The following MYO5B variants were observed in gnomAD, a reference collection of about 807,000 sequenced individuals.
MYO5B encodes unconventional myosin-Vb.
MYO5B carries 143 observed loss-of-function variants against 229.3 expected under a neutral mutation model. The observed-to-expected ratio is 0.62, with a 90% CI of 0.54 to 0.72. The LOEUF is 0.72. Among genes scored for constraint, MYO5B ranks in the 30% least tolerant of loss-of-function variants. The probability of loss-of-function intolerance (pLI) is 0.00; values close to 1 mark genes in which losing one functional copy is unlikely to be tolerated. For synonymous variants in MYO5B, 918 were observed against 885.2 expected (o/e 1.04, Z -0.66); for missense variants, 2,321 against 2,331.0 (o/e 1.00, Z 0.09).
At chr18:50,184,842 C>T (rs993749258) in intron 1 of MYO5B, among the ~76,000 whole-genome samples, 1 of 150,170 alleles carries the variant, frequency 6.7e-6, no homozygotes, top group African/African-American at 2.5e-5. Flanking sequence ...AGTTCAAGAC[C>T]AGCATGAGCA....
intron 1 of MYO5B, among the ~76,000 whole-genome samples, chr18:50,182,845 TG>T (rs1194950675): frequency 6.6e-6 from 1 of 152,130 alleles, no homozygotes; most frequent in East Asian, 1.9e-4. Flanking sequence ...TGTGGGGGGT[TG>T]GGGGGTTGTA....
At chr18:49,867,310 G>A (rs762273544) in intron 27 of MYO5B, among the ~76,000 whole-genome samples, 2 of 152,190 alleles carry the variant, frequency 1.3e-5, no homozygotes, top group Non-Finnish European at 2.9e-5. Context: ...CTTGGGTGAC[G>A]TGTGTCATCT....
At chr18:50,143,365 A>G (rs2032446947) in intron 1 of MYO5B, among the ~76,000 whole-genome samples, 1 of 152,202 alleles carries the variant, frequency 6.6e-6, no homozygotes, top group Admixed American at 6.5e-5. Context: ...CAGAAAGTGG[A>G]GTCAGTAGGC....
chr18:49,974,664 C>T lies in MYO5B; in HGVS notation c.1057-49G>A, dbSNP rs1160820403. The T allele has an allele frequency of 2.6e-5, 41 of 1,587,182 alleles. No individual in the cohort carries two copies. In the Middle Eastern group the frequency reaches 5.2e-4, roughly 20 times the overall value. On this transcript the variant is annotated intron_variant, in intron 9 of 39. Transcript: ENST00000285039. The stretch of plus-strand genomic sequence containing the variant: ...TTCAGGAGGAGTGTGGGAGACAAGC[C>T]GCCCCCCACCAATGTCTTCCACCCT...
chr18:50,049,107 C>A (rs1385509635), intron 2 of MYO5B, among the ~76,000 whole-genome samples: 2 of 151,808 alleles, frequency 1.3e-5, no homozygotes, highest in East Asian at 3.9e-4. Flanking sequence ...AAATATCCTG[C>A]CATGGCCACC....
intron 14 of MYO5B, among the ~76,000 whole-genome samples, chr18:49,939,895 A>T (rs563331205): frequency 6.6e-6 from 1 of 152,372 alleles, no homozygotes; most frequent in African/African-American, 2.4e-5. Flanking sequence ...TCTAGCTGAC[A>T]TCATCTCCTG....
intron 2 of MYO5B, among the ~76,000 whole-genome samples, chr18:50,045,523 A>G (rs2030199737): frequency 6.6e-6 from 1 of 152,092 alleles, no homozygotes; most frequent in Admixed American, 6.6e-5. Flanking sequence ...CCTCCCAAGT[A>G]GCTCGGACTA....
At chr18:50,130,488 T>C (rs1196292868) in intron 1 of MYO5B, among the ~76,000 whole-genome samples, 1 of 152,132 alleles carries the variant, frequency 6.6e-6, no homozygotes, top group African/African-American at 2.4e-5. Context: ...TGCGGTTCAT[T>C]TCTGTGGCTC....
intron 2 of MYO5B, among the ~76,000 whole-genome samples, chr18:50,043,988 C>G (rs747140874): frequency 6.6e-6 from 1 of 152,020 alleles, no homozygotes; most frequent in Non-Finnish European, 1.5e-5. Context: ...CACTAAAGAA[C>G]TTACTCATCT....
At chr18:49,873,729 G>A (rs1185216294) in intron 26 of MYO5B, among the ~76,000 whole-genome samples, 1 of 152,204 alleles carries the variant, frequency 6.6e-6, no homozygotes, top group Non-Finnish European at 1.5e-5. Context: ...CTATTAAGAT[G>A]GGCTGGCAGT....
At chr18:49,929,626 A>G (rs199790139) in intron 16 of MYO5B, 28 bp from the exon 17 acceptor site, 3 of 1,210,444 alleles carry the variant, frequency 2.5e-6, no homozygotes, top group Non-Finnish European at 2.4e-6. Context: ...AAAAAAAAAA[A>G]GCAAGACAAG....
chr18:50,193,259 G>A (rs905837759), intron 1 of MYO5B, among the ~76,000 whole-genome samples: 1 of 152,196 alleles, frequency 6.6e-6, no homozygotes, highest in Non-Finnish European at 1.5e-5. Context: ...CAGAGTTCAC[G>A]CCCTGGCTCC....
intron 1 of MYO5B, among the ~76,000 whole-genome samples, chr18:50,071,756 C>A (rs1301025955): frequency 6.6e-6 from 1 of 152,214 alleles, no homozygotes; most frequent in Non-Finnish European, 1.5e-5. Flanking sequence ...ATTTAGAAAG[C>A]TCTGAAGCAA....
At chr18:49,922,803 TGTAA>T (rs1206291652) in intron 17 of MYO5B, among the ~76,000 whole-genome samples, 2 of 152,050 alleles carry the variant, frequency 1.3e-5, no homozygotes, top group Non-Finnish European at 2.9e-5. Flanking sequence ...CAAATACACA[TGTAA>T]GTATCTGCTA....
At chr18:49,873,261 T>G (rs185708754) in intron 26 of MYO5B, among the ~76,000 whole-genome samples, 20 of 152,360 alleles carry the variant, frequency 1.3e-4, no homozygotes, top group Admixed American at 1.2e-3. Context: ...GGTTAACTAC[T>G]TGGAGTAATT....
intron 27 of MYO5B, among the ~76,000 whole-genome samples, chr18:49,870,723 A>G (rs969792760): frequency 8.5e-5 from 13 of 152,210 alleles, no homozygotes; most frequent in African/African-American, 2.4e-4. Context: ...CTACAATGAG[A>G]TATCACCTTA....
intron 1 of MYO5B, among the ~76,000 whole-genome samples, chr18:50,167,780 AT>A (rs2032873954): frequency 6.6e-6 from 1 of 152,200 alleles, no homozygotes; most frequent in Non-Finnish European, 1.5e-5. Context: ...GGCTCCTTTC[AT>A]CCATTTCTTT....
chr18:49,974,205 A>G (rs1477751573), intron 10 of MYO5B, 145 bp downstream of exon 10: 1 of 1,184,972 alleles, frequency 8.4e-7, no homozygotes, highest in Admixed American at 1.9e-5. Flanking sequence ...TGTGTCAACT[A>G]ATCAACTAAA....
chr18:49,982,080 G>A (rs561246357), intron 8 of MYO5B, among the ~76,000 whole-genome samples: 3 of 152,248 alleles, frequency 2.0e-5, no homozygotes, highest in South Asian at 2.1e-4. Flanking sequence ...TTTCTACTTC[G>A]TTTATCTATT....
Sources: allele counts gnomAD v4.1 joint callset (sites outside exome capture counted in the v4.1 genomes callset), GRCh38; gene constraint gnomAD v4.1.1; transcripts MANE v1.5; gene names NCBI Gene and HGNC (gene_info 2026-07-23, HGNC 2026-07-21).